MTERF2: variants seen among roughly 807,000 people sequenced by gnomAD.
MTERF2 encodes transcription termination factor 2, mitochondrial.
MTERF2 carries 23 observed loss-of-function variants against 29.2 expected under a neutral mutation model. That is an observed-to-expected ratio of 0.79 (90% CI 0.57 to 1.12). The LOEUF is 1.12. Among genes scored for constraint, MTERF2 ranks in the 50% most tolerant of loss-of-function variants. The pLI is 0.00. For missense variants in MTERF2, 440 were observed against 429.4 expected (o/e 1.02, Z -0.22); for synonymous variants, 157 against 159.5 (o/e 0.98, Z 0.12).
chr12:106,977,833 A>G lies in MTERF2; in HGVS notation c.882T>C (p.Tyr294=), dbSNP rs754626196. ...TTCTCTCTTCTAAAACTGGAACAGA[A>G]TAATATAAAAGGGCAGGACATTTCA... ...LVLKCPALLY[Y]SVPVLEERMQ... Residue 294 remains tyrosine (Y), a synonymous_variant, in exon 3 of 3, where the codon TAT becomes TAC. Coordinates refer to ENST00000240050, the MANE Select transcript of MTERF2 (RefSeq NM_001033050.3). 4 of 1,613,986 alleles carry G rather than the reference A, an allele frequency of 2.5e-6. No homozygotes were observed. The highest frequency in any genetic ancestry group is 2.2e-5 in the South Asian group (2 of 91,078).
chr12:106,977,546 C>T lies in MTERF2; in HGVS notation c.*11G>A. ...CTGCACTGCTAGAAAGAAGCAACAA[C>T]AGTCAGTATGTCATTCTTCAACATT... On this transcript the variant is annotated 3_prime_UTR_variant, in exon 3 of 3. Transcript: ENST00000240050. The T allele has an allele frequency of 6.3e-7, 1 of 1,591,158 alleles. No homozygotes were observed. Among genetic ancestry groups the T allele is most frequent in the Non-Finnish European group, 8.5e-7 (1 of 1,170,662 alleles).
chr12:106,977,545 ACAGT>A lies in MTERF2; in HGVS notation c.*8_*11del. On this transcript the variant is annotated 3_prime_UTR_variant, in exon 3 of 3. Coordinates refer to ENST00000240050, the MANE Select transcript of MTERF2 (RefSeq NM_001033050.3). ...CCTGCACTGCTAGAAAGAAGCAACA[ACAGT>A]CAGTATGTCATTCTTCAACATTTAA... The A allele has an allele frequency of 1.9e-6, 3 of 1,590,788 alleles. No individual in the cohort carries two copies. Among genetic ancestry groups the A allele is most frequent in the Non-Finnish European group, 2.6e-6 (3 of 1,170,496 alleles).
At chr12:106,979,648 C>T (rs2136792655) in intron 2 of MTERF2, among the ~76,000 whole-genome samples, 1 of 152,176 alleles carries the variant, frequency 6.6e-6, no homozygotes, top group Non-Finnish European at 1.5e-5. Context: ...TGAAAAAATG[C>T]CACATGACTG....
chr12:106,982,337 T>C (rs1458497551), intron 2 of MTERF2, among the ~76,000 whole-genome samples: 5 of 152,196 alleles, frequency 3.3e-5, no homozygotes, highest in African/African-American at 1.2e-4. Context: ...ACTCAGAATT[T>C]TTCTTGAAAA....
chr12:106,978,515 C>T lies in MTERF2; in HGVS notation c.200G>A (p.Gly67Glu). 1 of 1,614,184 alleles carries T rather than the reference C, an allele frequency of 6.2e-7. No homozygotes were observed. Among genetic ancestry groups the T allele is most frequent in the Non-Finnish European group, 8.5e-7 (1 of 1,180,004 alleles). ...GGTTTCATCCTCTAAAAGTACCCAT[C>T]CTTTTAATCTACGAATTTTCCTAAT... ...VDIRKIRRLK[G>E]WVLLEDETYV... Residue 67 changes from glycine (G) to glutamate (E), a missense_variant, in exon 3 of 3, where the codon GGA becomes GAA. Physicochemically the swap from Gly to Glu is moderately conservative, Grantham distance 98. Coordinates refer to ENST00000240050, the MANE Select transcript of MTERF2 (RefSeq NM_001033050.3).
intron 2 of MTERF2, among the ~76,000 whole-genome samples, chr12:106,980,268 T>C (rs1781968414): frequency 1.3e-5 from 2 of 152,096 alleles, no homozygotes; most frequent in South Asian, 2.1e-4. Context: ...AAGAAGCAGT[T>C]AGAGTCAGTT....
intron 2 of MTERF2, among the ~76,000 whole-genome samples, chr12:106,981,101 C>T (rs754479601): frequency 2.8e-4 from 43 of 152,208 alleles, no homozygotes; most frequent in Non-Finnish European, 3.1e-4. Context: ...GCTGGGATCC[C>T]GCTCCCCACT....
At position 106,977,493 on chromosome 12, in the gene MTERF2, ATTT is replaced by A. The variant is rs1368442049; in HGVS notation, c.*61_*63del. On this transcript the variant is annotated 3_prime_UTR_variant, in exon 3 of 3. Coordinates refer to ENST00000240050, the MANE Select transcript of MTERF2 (RefSeq NM_001033050.3). ...TTACTGGTGTCTACAAACTGCCTGA[ATTT>A]TTGTCTTTGCTAGTTAGTTTCACCC... is the stretch of plus-strand genomic sequence containing the variant. 1 of 1,488,872 alleles carries A rather than the reference ATTT, an allele frequency of 6.7e-7. No homozygotes were observed. The highest frequency in any genetic ancestry group is 2.2e-5 in the Admixed American group (1 of 44,788). The allele number at this position is 1,488,872 out of a possible 1,614,324, so 92.2% of individuals were successfully genotyped here.
intron 2 of MTERF2, chr12:106,980,500 C>T (rs1018629037): frequency 2.0e-5 from 3 of 152,192 alleles, no homozygotes; most frequent in Admixed American, 1.3e-4. Context: ...AAAGATCTTA[C>T]ACCTGCTATT....
At chr12:106,984,735 T>C (rs1388329948) in intron 2 of MTERF2, among the ~76,000 whole-genome samples, 1 of 152,194 alleles carries the variant, frequency 6.6e-6, no homozygotes, top group East Asian at 1.9e-4. Flanking sequence ...TGGCTCTCAC[T>C]CTTTTCTTGT....
chr12:106,981,006 A>G (rs1261662608), intron 2 of MTERF2, among the ~76,000 whole-genome samples: 2 of 152,204 alleles, frequency 1.3e-5, no homozygotes, highest in African/African-American at 4.8e-5. Flanking sequence ...CAAGATGAAA[A>G]TATTATTTTA....
At chr12:106,984,138 T>C (rs953799373) in intron 2 of MTERF2, among the ~76,000 whole-genome samples, 1 of 152,212 alleles carries the variant, frequency 6.6e-6, no homozygotes, top group African/African-American at 2.4e-5. Context: ...GCTCCTGTGC[T>C]GAGCTCAGCC....
rs1952008612 is a variant in MTERF2 at position 106,978,067 on chromosome 12, G to A, written c.648C>T (p.Asn216=). 5.6e-6 allele frequency: 9 copies of A among 1,613,968 alleles called. No individual in the cohort carries two copies. Among genetic ancestry groups the A allele is most frequent in the Non-Finnish European group, 7.6e-6 (9 of 1,179,988 alleles). The part of the protein sequence containing the change: ...KVWLLKLLSQ[N]PFILLNSPTA... ...TGGGAGAATTTAACAAAATAAATGG[G>A]TTTTGGCTTAACAATTTTAGTAGCC... The change falls in exon 3 of 3, where the codon AAC becomes AAT. Residue 216 remains asparagine (N), a synonymous_variant. Coordinates refer to ENST00000240050, the MANE Select transcript of MTERF2 (RefSeq NM_001033050.3).
chr12:106,982,044 G>A (rs1324377384), intron 2 of MTERF2, among the ~76,000 whole-genome samples: 2 of 152,188 alleles, frequency 1.3e-5, no homozygotes, highest in African/African-American at 2.4e-5. Context: ...AATGCAGACA[G>A]CTGCTGTTCC....
At chr12:106,986,708 A>G (rs1026889245) in intron 1 of MTERF2, 5 of 152,254 alleles carry the variant, frequency 3.3e-5, no homozygotes, top group African/African-American at 1.2e-4. Flanking sequence ...TGGTTTCAAT[A>G]AAGTTCTTCT....
chr12:106,977,424 G>A lies in MTERF2; in HGVS notation c.*133C>T, dbSNP rs1046119372. 6.2e-6 allele frequency: 4 copies of A among 641,222 alleles called. No homozygotes were observed. The highest frequency in any genetic ancestry group is 7.8e-6 in the Non-Finnish European group (3 of 382,974). The allele number at this position is 641,222 out of a possible 1,614,324, so 39.7% of individuals were successfully genotyped here. A position where few individuals can be genotyped will look rare whatever the true frequency, so the allele number is the denominator to read the frequency against. On this transcript the variant is annotated 3_prime_UTR_variant, in exon 3 of 3. Transcript: ENST00000240050. ...ACATGAGTCAGAATTTATCTATTTA[G>A]AGATAACTTAAATACAACACAGAAG...
chr12:106,980,491 A>G (rs886365577), intron 2 of MTERF2: 3 of 152,208 alleles, frequency 2.0e-5, no homozygotes, highest in Non-Finnish European at 4.4e-5. Flanking sequence ...AACAGAAAGA[A>G]AGATCTTACA....
At chr12:106,980,025 G>A (rs755687755) in intron 2 of MTERF2, among the ~76,000 whole-genome samples, 1 of 152,130 alleles carries the variant, frequency 6.6e-6, no homozygotes, top group Admixed American at 6.5e-5. Flanking sequence ...AGCCTCCCGA[G>A]TAGCTGGGAC....
At position 106,977,494 on chromosome 12, in the gene MTERF2, T is replaced by G; in HGVS notation, c.*63A>C. 6.7e-7 allele frequency: 1 copy of G among 1,491,480 alleles called. No individual in the cohort carries two copies. The highest frequency in any genetic ancestry group is 1.4e-5 in the African/African-American group (1 of 71,356). The allele number at this position is 1,491,480 out of a possible 1,614,324, so 92.4% of individuals were successfully genotyped here. A position where few individuals can be genotyped will look rare whatever the true frequency, so the allele number is the denominator to read the frequency against. On this transcript the variant is annotated 3_prime_UTR_variant, in exon 3 of 3. Coordinates refer to ENST00000240050, the MANE Select transcript of MTERF2 (RefSeq NM_001033050.3). The stretch of plus-strand genomic sequence containing the variant: ...TACTGGTGTCTACAAACTGCCTGAA[T>G]TTTTGTCTTTGCTAGTTAGTTTCAC...
Sources: allele counts gnomAD v4.1 joint callset (sites outside exome capture counted in the v4.1 genomes callset), GRCh38; gene constraint gnomAD v4.1.1; transcripts MANE v1.5; gene names NCBI Gene and HGNC (gene_info 2026-07-23, HGNC 2026-07-21).